The following CLEC2D variants were observed in gnomAD, a reference collection of about 807,000 sequenced individuals.
CLEC2D encodes C-type lectin related f.
A neutral mutation model predicts 20.0 loss-of-function variants in CLEC2D; 16 were observed. The ratio of observed to expected loss-of-function variants is 0.80; its 90% CI spans 0.54 to 1.22. CLEC2D has a LOEUF of 1.22. CLEC2D is among the 50% of genes most tolerant of loss of function. The pLI is 0.00. For missense variants in CLEC2D, 207 were observed against 221.5 expected, an observed-to-expected ratio of 0.93 and a Z score of 0.42; for synonymous variants, 77 against 71.1, an observed-to-expected ratio of 1.08 and a Z score of -0.42.
chr12:9,686,918 T>C (rs1865760588), intron 2 of CLEC2D, among the ~76,000 whole-genome samples: 1 of 152,186 alleles, frequency 6.6e-6, no homozygotes, highest in African/African-American at 2.4e-5. Context: ...TTTAGACATA[T>C]ACAAGGCTTT....
chr12:9,694,664 C>G, intron 4 of CLEC2D, 96 bp from the exon 5 acceptor site: 1 of 726,124 alleles, frequency 1.4e-6, no homozygotes, highest in African/African-American at 1.8e-5. Flanking sequence ...TTTTTAGAGG[C>G]TGAATTAATG....
chr12:9,691,466 C>A (rs778113729), intron 3 of CLEC2D, among the ~76,000 whole-genome samples: 1 of 152,126 alleles, frequency 6.6e-6, no homozygotes, highest in East Asian at 1.9e-4. Flanking sequence ...AATATTAATT[C>A]TTCTCAAATG....
chr12:9,685,958 C>T (rs1028083157), intron 2 of CLEC2D, among the ~76,000 whole-genome samples: 1 of 152,112 alleles, frequency 6.6e-6, no homozygotes, highest in African/African-American at 2.4e-5. Context: ...CAGTTTTGTG[C>T]TTGAAACCCA....
chr12:9,683,941 A>G (rs760197642), intron 2 of CLEC2D, among the ~76,000 whole-genome samples: 2 of 151,876 alleles, frequency 1.3e-5, no homozygotes, highest in South Asian at 4.2e-4. Flanking sequence ...TGGGAATAGC[A>G]TTCAATCTAT....
intron 1 of CLEC2D, among the ~76,000 whole-genome samples, chr12:9,679,928 C>T (rs771145940): frequency 2.6e-5 from 4 of 152,146 alleles, no homozygotes; most frequent in Non-Finnish European, 5.9e-5. Context: ...AACACAACTA[C>T]AGGAAATTAT....
intron 1 of CLEC2D, among the ~76,000 whole-genome samples, chr12:9,675,384 C>T (rs1267622930): frequency 3.9e-5 from 6 of 151,968 alleles, no homozygotes; most frequent in Admixed American, 6.5e-5. Flanking sequence ...TTAGTAGAGA[C>T]GGGGTTTCAC....
At chr12:9,674,348 G>A (rs1865481423) in intron 1 of CLEC2D, 1 of 152,230 alleles carries the variant, frequency 6.6e-6, no homozygotes, top group Non-Finnish European at 1.5e-5. Flanking sequence ...CTTACCTCAG[G>A]GAGGCAAGTC....
chr12:9,672,354 C>T (rs753844254), intron 1 of CLEC2D, among the ~76,000 whole-genome samples: 1 of 152,274 alleles, frequency 6.6e-6, no homozygotes, highest in Admixed American at 6.5e-5. Context: ...CACATTCAAA[C>T]CATAGCAGTC....
At chr12:9,669,818 G>GT (rs1865371261) in intron 1 of CLEC2D, 23 bp downstream of exon 1, 3 of 1,582,368 alleles carry the variant, frequency 1.9e-6, no homozygotes, top group Non-Finnish European at 2.6e-6. Context: ...GCTCTACAGA[G>GT]TAAGTGTGAG....
intron 2 of CLEC2D, among the ~76,000 whole-genome samples, chr12:9,684,195 G>T (rs190679608): frequency 7.7e-4 from 117 of 152,202 alleles, no homozygotes; most frequent in African/African-American, 2.6e-3. Flanking sequence ...TTGGTGTATA[G>T]GAATGCTTGT....
At chr12:9,670,937 AG>A (rs1865405983) in intron 1 of CLEC2D, among the ~76,000 whole-genome samples, 3 of 152,188 alleles carry the variant, frequency 2.0e-5, no homozygotes, top group Non-Finnish European at 2.9e-5. Flanking sequence ...GTTGAGGGGC[AG>A]GTGAATCCAG....
At chr12:9,688,174 A>C in intron 3 of CLEC2D, 88 bp downstream of exon 3, 1 of 1,231,784 alleles carries the variant, frequency 8.1e-7, no homozygotes, top group Non-Finnish European at 1.0e-6. Context: ...AGGTTTAGAC[A>C]TCTGCTTTTA....
intron 2 of CLEC2D, among the ~76,000 whole-genome samples, chr12:9,686,203 G>A (rs1161370988): frequency 6.6e-6 from 1 of 151,764 alleles, no homozygotes; most frequent in Admixed American, 6.6e-5. Context: ...GTCCCAGTGA[G>A]ATGATCCTGG....
chr12:9,682,775 G>A (rs547905473), intron 2 of CLEC2D, among the ~76,000 whole-genome samples: 1 of 152,148 alleles, frequency 6.6e-6, no homozygotes, highest in Non-Finnish European at 1.5e-5. Context: ...TCATTGATGA[G>A]CATTTGGGTT....
chr12:9,680,940 G>GC lies in CLEC2D; in HGVS notation c.79_80insC (p.Glu27AlafsTer5). ...TTTTCCAGGTTGTCTGCATTCAAAA[G>GC]AGCATTCTATTAAAGCTACCTTAAT... On this transcript the variant is annotated frameshift_variant, in exon 2 of 5. Coordinates refer to ENST00000290855, the MANE Select transcript of CLEC2D (RefSeq NM_013269.6). LOFTEE classifies it high-confidence loss of function. 1.3e-6 allele frequency: 2 copies of GC among 1,577,996 alleles called. No homozygotes were observed. The highest frequency in any genetic ancestry group is 1.7e-6 in the Non-Finnish European group (2 of 1,148,926).
In CLEC2D at chr12:9,695,639, C is replaced by A; in HGVS notation, c.*765C>A. On this transcript the variant is annotated 3_prime_UTR_variant, in exon 5 of 5. Coordinates refer to ENST00000290855, the MANE Select transcript of CLEC2D (RefSeq NM_013269.6). ...ACTTTGAAAATGTCTGTACAGCCAA[C>A]GGTTTCTCTTGGGGGCTTTGAAATA... is the stretch of plus-strand genomic sequence containing the variant. 1 of 1,571,704 alleles carries A rather than the reference C, an allele frequency of 6.4e-7. No individual in the cohort carries two copies. The highest frequency in any genetic ancestry group is 1.1e-5 in the South Asian group (1 of 90,424).
At position 9,682,319 on chromosome 12, in the gene CLEC2D, T is replaced by A. The variant is rs756228281; in HGVS notation, c.172+1286T>A. On this transcript the variant is annotated intron_variant, in intron 2 of 4. Coordinates refer to ENST00000290855, the MANE Select transcript of CLEC2D (RefSeq NM_013269.6). ...TAAATCGAGTTATTTAGATTGGCTT[T>A]AGTTATAAAAATTCCTAATAGAGCT... Among the ~76,000 whole-genome samples the A allele has an allele frequency of 9.2e-5, 14 of 152,376 alleles. 1 individual carries two copies. The South Asian group carries it at 2.9e-3, about 32-fold the overall frequency.
chr12:9,693,162 T>C (rs775578373), intron 4 of CLEC2D: 4 of 1,318,950 alleles, frequency 3.0e-6, no homozygotes, highest in Non-Finnish European at 4.4e-6. Flanking sequence ...ATCTATGTCA[T>C]TTTCAAACAC....
chr12:9,678,119 G>A (rs969074254), intron 1 of CLEC2D, among the ~76,000 whole-genome samples: 4 of 152,084 alleles, frequency 2.6e-5, no homozygotes, highest in Non-Finnish European at 5.9e-5. Context: ...TTTGCCTCAC[G>A]TAGTTAAATA....
Sources: allele counts gnomAD v4.1 joint callset (sites outside exome capture counted in the v4.1 genomes callset), GRCh38; gene constraint gnomAD v4.1.1; transcripts MANE v1.5; gene names NCBI Gene and HGNC (gene_info 2026-07-23, HGNC 2026-07-21).